The following RHCG variants were observed in gnomAD, a reference collection of about 807,000 sequenced individuals.
RHCG encodes Rh family C glycoprotein.
RHCG carries 39 observed loss-of-function variants against 55.3 expected under a neutral mutation model. The ratio of observed to expected loss-of-function variants is 0.70; its 90% CI spans 0.55 to 0.92. The LOEUF (loss-of-function observed/expected upper bound fraction) is 0.92, where lower values mean the gene tolerates loss of function less well. RHCG is among the 40% of genes least tolerant of loss of function. The pLI is 0.00. For missense variants in RHCG, 635 were observed against 627.9 expected (o/e 1.01, Z -0.12); for synonymous variants, 250 against 246.8 (o/e 1.01, Z -0.12).
At chr15:89,495,132 C>T (rs1273560305) in intron 1 of RHCG, among the ~76,000 whole-genome samples, 2 of 152,186 alleles carry the variant, frequency 1.3e-5, no homozygotes, top group South Asian at 2.1e-4. Flanking sequence ...GGGGCGCACC[C>T]CTTATCTGTT....
chr15:89,472,317 C>T (rs1019422527), intron 10 of RHCG, among the ~76,000 whole-genome samples: 2 of 152,164 alleles, frequency 1.3e-5, no homozygotes, highest in African/African-American at 4.8e-5. Flanking sequence ...GGGTGGGTCT[C>T]ATCTGAGCTG....
intron 3 of RHCG, 149 bp from the exon 4 acceptor site, chr15:89,480,557 C>T: frequency 1.1e-6 from 1 of 875,906 alleles, no homozygotes; most frequent in Non-Finnish European, 1.8e-6. Context: ...CTTCACGGAC[C>T]AATCAACTGG....
chr15:89,477,568 A>G lies in RHCG; in HGVS notation c.1061T>C (p.Val354Ala). Reference sequence around the variant, plus strand: ...GGCGGAGGCCGCTGTCACAGCACCCACGATGCCGCCTATGATGCCAGGAAT... The same window carrying G: ...GGCGGAGGCCGCTGTCACAGCACCCGCGATGCCGCCTATGATGCCAGGAAT... Reference protein sequence around the residue: ...HGIPGIIGGIVGAVTAASASL... With the variant: ...HGIPGIIGGIAGAVTAASASL... Residue 354 changes from valine (V) to alanine (A), a missense_variant, in exon 7 of 11, where the codon GTG becomes GCG. Val to Ala is a moderately conservative substitution (Grantham distance 64). Coordinates refer to ENST00000268122, the MANE Select transcript of RHCG (RefSeq NM_016321.3). This position sits in a 1 kb window ranked among gnomAD's most constrained non-coding sequence, Gnocchi z 4.5. 5 of 1,614,000 alleles carry G rather than the reference A, an allele frequency of 3.1e-6. No individual in the cohort carries two copies. Among genetic ancestry groups the G allele is most frequent in the Non-Finnish European group, 3.4e-6 (4 of 1,179,992 alleles).
chr15:89,479,122 C>CA (rs542683975), intron 5 of RHCG, among the ~76,000 whole-genome samples, 200 bp downstream of exon 5: 114 of 140,300 alleles, frequency 8.1e-4, no homozygotes, highest in Admixed American at 1.5e-3. Flanking sequence ...CAAAACAAAA[C>CA]AAAAAAAAAC....
At position 89,471,567 on chromosome 15, in the gene RHCG, G is replaced by C. The variant is rs1341673805; in HGVS notation, c.*313C>G. ...GACTGGCAGCTAAGTTGTCTCCTGG[G>C]AGAGCTCAGGTTCACCCACCAGGTC... On this transcript the variant is annotated 3_prime_UTR_variant, in exon 11 of 11. Transcript: ENST00000268122. 6.6e-6 allele frequency: 1 copy of C among 152,506 alleles called. No homozygotes were observed. The highest frequency in any genetic ancestry group is 1.9e-4 in the East Asian group (1 of 5,188). 9.4% of individuals were successfully genotyped at this position (152,506 alleles called of 1,614,324 possible).
intron 3 of RHCG, 130 bp downstream of exon 3, chr15:89,482,937 A>C: frequency 1.1e-6 from 1 of 904,530 alleles, no homozygotes; most frequent in Non-Finnish European, 1.6e-6. Context: ...AGAGATGAGA[A>C]AACTGAGTGA....
intron 9 of RHCG, among the ~76,000 whole-genome samples, chr15:89,473,908 T>C (rs528235479): frequency 6.6e-5 from 10 of 152,320 alleles, no homozygotes; most frequent in African/African-American, 1.9e-4. Flanking sequence ...AACTTCTACA[T>C]GGGGGAACTG....
rs1961448131 is a variant in RHCG, at chr15:89,490,211, C to T, written c.185-3226G>A. 2.0e-5 allele frequency among the ~76,000 whole-genome samples: 3 copies of T among 152,246 alleles called. No individual in the cohort carries two copies. The South Asian group carries it at 6.2e-4, about 31-fold the overall frequency. ...AGGAGCAATGCTTACGGCACAGCTG[C>T]CTGCACCTTGCCTGCCCTCATCTGT... is the stretch of plus-strand genomic sequence containing the variant. On this transcript the variant is annotated intron_variant, in intron 1 of 10. Transcript: ENST00000268122.
intron 9 of RHCG, among the ~76,000 whole-genome samples, chr15:89,473,729 T>C (rs1961082237): frequency 6.6e-6 from 1 of 152,188 alleles, no homozygotes; most frequent in Non-Finnish European, 1.5e-5. Flanking sequence ...CATGTAGGCT[T>C]TTATGCAAAT....
intron 2 of RHCG, chr15:89,486,122 G>T (rs1327365087): frequency 5.2e-6 from 2 of 385,972 alleles, no homozygotes; most frequent in East Asian, 7.2e-5. Context: ...GAGCTGAGAA[G>T]TGACAGTAGG....
chr15:89,479,391 G>A lies in RHCG; in HGVS notation c.768C>T (p.Ser256=). 6.2e-7 allele frequency: 1 copy of A among 1,614,218 alleles called. No individual in the cohort carries two copies. Among genetic ancestry groups the A allele is most frequent in the African/African-American group, 1.3e-5 (1 of 75,064 alleles). The part of the protein sequence containing the change: ...QHRAAINTYC[S]LAACVLTSVA... ...CCGAGGTAAGCACGCAGGCTGCCAA[G>A]GAGCAGTAGGTGTTGATGGCGGCTC... The change falls in exon 5 of 11, where the codon TCC becomes TCT. Residue 256 remains serine (S), a synonymous_variant. Coordinates refer to ENST00000268122, the MANE Select transcript of RHCG (RefSeq NM_016321.3).
chr15:89,486,597 A>C (rs4032797), intron 2 of RHCG: 1 of 309,534 alleles, frequency 3.2e-6, no homozygotes, highest in East Asian at 9.4e-5. Context: ...AGAGAGAGAG[A>C]GAGTGTGTGT....
At chr15:89,493,092 G>A (rs1047502669) in intron 1 of RHCG, among the ~76,000 whole-genome samples, 3 of 152,212 alleles carry the variant, frequency 2.0e-5, no homozygotes, top group Non-Finnish European at 4.4e-5. Flanking sequence ...CTGCCTGTGG[G>A]TAAGCTCGTC....
chr15:89,476,644 T>TG, intron 9 of RHCG, 111 bp downstream of exon 9: 2 of 860,776 alleles, frequency 2.3e-6, no homozygotes, highest in Non-Finnish European at 3.9e-6. Context: ...ATGTAGGCTC[T>TG]GACCCCCACC....
intron 2 of RHCG, 61 bp from the exon 3 acceptor site, chr15:89,483,278 C>G (rs976687536): frequency 7.6e-6 from 11 of 1,440,248 alleles, no homozygotes; most frequent in Middle Eastern, 2.3e-4. Context: ...ACTGGAGGCC[C>G]TGGACTTTGG....
intron 2 of RHCG, chr15:89,486,180 C>G (rs909373531): frequency 4.5e-6 from 2 of 446,298 alleles, no homozygotes; most frequent in Non-Finnish European, 9.0e-6. Context: ...TCAGCCCTAA[C>G]ACTCCACACC....
chr15:89,472,694 G>T lies in RHCG; in HGVS notation c.*24+17C>A. 1.9e-6 allele frequency: 3 copies of T among 1,605,706 alleles called. No individual in the cohort carries two copies. The South Asian group carries it at 3.3e-5, about 18-fold the overall frequency. ...GGAGAACCTCCCTGTCATCCCCCAAGCCAAGCCCATGCTCACCTGCTCCTC... is the reference window on the plus strand; with the variant it reads ...GGAGAACCTCCCTGTCATCCCCCAATCCAAGCCCATGCTCACCTGCTCCTC... On this transcript the variant is annotated intron_variant, in intron 10 of 10. Transcript: ENST00000268122.
chr15:89,496,379 A>T lies in RHCG; in HGVS notation c.166T>A (p.Phe56Ile). ...GACTTACTTGGGTAGCGATAGTAGAATTCGTTCTCCATGTCGCTCAAGTTC... is the reference window on the plus strand; with the variant it reads ...GACTTACTTGGGTAGCGATAGTAGATTTCGTTCTCCATGTCGCTCAAGTTC... ...HKNLSDMENE[F>I]YYRYPSFQDV... Residue 56 changes from phenylalanine to isoleucine, a missense_variant, in exon 1 of 11, where the codon TTC becomes ATC. Physicochemically the swap from Phe to Ile is conservative, Grantham distance 21. Transcript: ENST00000268122. 1 of 1,613,904 alleles carries T rather than the reference A, an allele frequency of 6.2e-7. No homozygotes were observed. The highest frequency in any genetic ancestry group is 8.5e-7 in the Non-Finnish European group (1 of 1,179,924).
intron 9 of RHCG, among the ~76,000 whole-genome samples, chr15:89,474,093 G>A (rs1961088840): frequency 6.6e-6 from 1 of 152,172 alleles, no homozygotes; most frequent in South Asian, 2.1e-4. Flanking sequence ...AGAGTGGTAA[G>A]GAGAAAGAGA....
Sources: gnomAD v4.1 joint callset for allele counts (sites outside exome capture counted in the v4.1 genomes callset) on GRCh38, gnomAD v4.1.1 for gene constraint, Gnocchi (gnomAD v3.1) non-coding constraint, MANE v1.5 for transcripts, NCBI Gene and HGNC (gene_info 2026-07-23, HGNC 2026-07-21) for gene names.